The following CARMIL1 variants were observed in gnomAD, a reference collection of about 807,000 sequenced individuals.
CARMIL1 encodes capping protein regulator and myosin 1 linker 1, also known as F-actin-uncapping protein LRRC16A.
CARMIL1 carries 90 observed loss-of-function variants against 177.1 expected under a neutral mutation model. That is an observed-to-expected ratio of 0.51 (90% CI 0.43 to 0.61). CARMIL1 has a LOEUF of 0.61. CARMIL1 is among the 20% of genes least tolerant of loss of function. The pLI is 0.00. For synonymous variants in CARMIL1, 577 were observed against 606.2 expected (o/e 0.95, Z 0.71); for missense variants, 1,380 against 1,667.0 (o/e 0.83, Z 3.00).
At chr6:25,537,803 T>C (rs979508440) in intron 24 of CARMIL1, 52 bp from the exon 25 acceptor site, 10 of 1,600,648 alleles carry the variant, frequency 6.2e-6, no homozygotes, top group Admixed American at 3.4e-5. Context: ...TCCTTCTATC[T>C]GAATATCGGC....
intron 35 of CARMIL1, among the ~76,000 whole-genome samples, chr6:25,607,831 A>G (rs1232484211): frequency 2.0e-5 from 3 of 152,184 alleles, no homozygotes; most frequent in Non-Finnish European, 4.4e-5. Context: ...AACTGTTTCC[A>G]AAGAGAAGCC....
intron 2 of CARMIL1, among the ~76,000 whole-genome samples, chr6:25,370,956 ACT>A (rs142705646): frequency 0.044 from 6,637 of 151,464 alleles, 358 homozygotes; most frequent in East Asian, 0.27. Flanking sequence ...TCGCTAAATG[ACT>A]CTGTATGCTT....
chr6:25,463,819 C>CTTTTTTTTTTTTTTTTTTTTTTTTTT (rs68160209), intron 8 of CARMIL1, among the ~76,000 whole-genome samples: 1 of 108,496 alleles, frequency 9.2e-6, no homozygotes, highest in Non-Finnish European at 1.8e-5. Flanking sequence ...AGTTGTTCTC[C>CTTTTTTTTTTTTTTTTTTTTTTTTTT]TTTTTTTTTT....
Position 25,554,196 on chromosome 6 carries a change from A to C in CARMIL1, c.2592+100A>C. 1 of 825,306 alleles carries C rather than the reference A, an allele frequency of 1.2e-6. No homozygotes were observed. The highest frequency in any genetic ancestry group is 2.0e-6 in the Non-Finnish European group (1 of 495,002). 51.1% of individuals were successfully genotyped at this position (825,306 alleles called of 1,614,324 possible). A position where few individuals can be genotyped will look rare whatever the true frequency, so the allele number is the denominator to read the frequency against. ...GGATGTGATTTCTTTTCTGTATTTC[A>C]CACTATTACAGCTTTATGGTTTGTG... On this transcript the variant is annotated intron_variant, in intron 28 of 36. Coordinates refer to ENST00000329474, the MANE Select transcript of CARMIL1 (RefSeq NM_017640.6). This position sits in a 1 kb window ranked among gnomAD's most constrained non-coding sequence, Gnocchi z 4.6.
chr6:25,529,755 CAAAAAAAAAAAAAAAAAAAA>C (rs70977217), intron 24 of CARMIL1, among the ~76,000 whole-genome samples: 2 of 33,572 alleles, frequency 6.0e-5, no homozygotes, highest in African/African-American at 9.4e-5. Context: ...ACTCCGTCTC[CAAAAAAAAAAAAAAAAAAAA>C]AAAAAAAAAA....
chr6:25,600,939 A>G (rs1401903782), intron 33 of CARMIL1, among the ~76,000 whole-genome samples, 193 bp downstream of exon 33: 3 of 152,236 alleles, frequency 2.0e-5, no homozygotes, highest in Admixed American at 6.5e-5. Flanking sequence ...AACTAGAGCT[A>G]CCCTACTGAT....
At chr6:25,566,388 C>T (rs1251263064) in intron 29 of CARMIL1, among the ~76,000 whole-genome samples, 2 of 152,202 alleles carry the variant, frequency 1.3e-5, no homozygotes, top group African/African-American at 2.4e-5. Flanking sequence ...TGGTGCTTTT[C>T]TTGCTTTTCC....
In CARMIL1 at chr6:25,600,400, G is replaced by C. The variant is rs770369417; in HGVS notation, c.3206G>C (p.Gly1069Ala). 1 of 1,613,982 alleles carries C rather than the reference G, an allele frequency of 6.2e-7. No homozygotes were observed. The highest frequency in any genetic ancestry group is 1.7e-5 in the Admixed American group (1 of 60,022). ...AAGCGAGATTCTCGGAAAAGTAGTG[G>C]CTTTCTCAATTTAATCAAATCCCGG... ...KKKRDSRKSS[G>A]FLNLIKSRSK... Residue 1069 changes from glycine to alanine, a missense_variant, in exon 33 of 37, where the codon GGC (glycine) becomes GCC (alanine). By Grantham distance (60) the Gly-to-Ala change is moderately conservative. Coordinates refer to ENST00000329474, the MANE Select transcript of CARMIL1 (RefSeq NM_017640.6).
chr6:25,557,844 A>C (rs1377791038), intron 29 of CARMIL1, among the ~76,000 whole-genome samples: 1 of 152,210 alleles, frequency 6.6e-6, no homozygotes, highest in Non-Finnish European at 1.5e-5. Flanking sequence ...ATCATGTTTT[A>C]AAGTCTGTGA....
intron 11 of CARMIL1, among the ~76,000 whole-genome samples, chr6:25,480,793 T>C (rs1258467646): frequency 6.9e-6 from 1 of 145,564 alleles, no homozygotes; most frequent in Admixed American, 7.0e-5. Flanking sequence ...CGATCTCGGC[T>C]CACTGCAATC....
intron 2 of CARMIL1, among the ~76,000 whole-genome samples, chr6:25,331,401 G>C (rs145250869): frequency 6.6e-6 from 1 of 152,294 alleles, no homozygotes; most frequent in Admixed American, 6.5e-5. Flanking sequence ...TGGGTACTAA[G>C]TTCTATTAAA....
At chr6:25,409,340 A>C (rs2150625414) in intron 2 of CARMIL1, among the ~76,000 whole-genome samples, 1 of 152,314 alleles carries the variant, frequency 6.6e-6, no homozygotes, top group Non-Finnish European at 1.5e-5. Flanking sequence ...TATATTCTAT[A>C]AGTTTGAGGA....
chr6:25,418,257 C>G (rs907757935), intron 2 of CARMIL1, among the ~76,000 whole-genome samples: 1 of 152,192 alleles, frequency 6.6e-6, no homozygotes, highest in Non-Finnish European at 1.5e-5. Flanking sequence ...GGACACCCTA[C>G]AAGCAGGATG....
chr6:25,388,460 G>A (rs376415370), intron 2 of CARMIL1, among the ~76,000 whole-genome samples: 2 of 151,950 alleles, frequency 1.3e-5, no homozygotes, highest in African/African-American at 2.4e-5. Context: ...TCCGCCTCCC[G>A]GGTTCAAGCA....
At chr6:25,533,382 T>C (rs534185580) in intron 24 of CARMIL1, among the ~76,000 whole-genome samples, 1 of 152,334 alleles carries the variant, frequency 6.6e-6, no homozygotes, top group South Asian at 2.1e-4. Context: ...GAACTTATGT[T>C]AGTCACTTAC....
At chr6:25,587,416 G>GT (rs60676509) in intron 31 of CARMIL1, among the ~76,000 whole-genome samples, 2,967 of 151,958 alleles carry the variant, frequency 0.02, 83 homozygotes, top group African/African-American at 0.061. Flanking sequence ...AGGCTTGTGG[G>GT]TTTTTTTTAA....
chr6:25,537,316 G>A (rs1808400354), intron 24 of CARMIL1, among the ~76,000 whole-genome samples: 1 of 152,158 alleles, frequency 6.6e-6, no homozygotes, highest in South Asian at 2.1e-4. Context: ...AATACTTGAT[G>A]TAATTGAATC....
chr6:25,403,389 G>C (rs148817505), intron 2 of CARMIL1, among the ~76,000 whole-genome samples: 285 of 152,140 alleles, frequency 1.9e-3, no homozygotes, highest in African/African-American at 6.6e-3. Context: ...TGAGCTCCCT[G>C]CTTCCACTCT....
intron 2 of CARMIL1, among the ~76,000 whole-genome samples, chr6:25,412,767 A>G (rs543956302): frequency 6.6e-6 from 1 of 152,260 alleles, no homozygotes; most frequent in East Asian, 1.9e-4. Flanking sequence ...TATGTGGGGT[A>G]GTGGGAAGAG....
Sources: gnomAD v4.1 joint callset for allele counts (sites outside exome capture counted in the v4.1 genomes callset) on GRCh38, gnomAD v4.1.1 for gene constraint, Gnocchi (gnomAD v3.1) non-coding constraint, MANE v1.5 for transcripts, NCBI Gene and HGNC (gene_info 2026-07-23, HGNC 2026-07-21) for gene names.